Variants in MFN2 observed in about 807,000 individuals in gnomAD.
The protein encoded by MFN2 is mitofusin-2.
Under a neutral mutation model 87.5 loss-of-function variants are expected in MFN2, and 43 were observed. The observed-to-expected ratio is 0.49, with a 90% CI of 0.38 to 0.63. The LOEUF (loss-of-function observed/expected upper bound fraction) is 0.63, where lower values mean the gene tolerates loss of function less well. MFN2 is among the 30% of genes least tolerant of loss of function. The pLI, the probability that MFN2 is intolerant of heterozygous loss-of-function variation, is 0.00. For missense variants in MFN2, 743 were observed against 972.8 expected (o/e 0.76, Z 3.14); for synonymous variants, 337 against 359.9 (o/e 0.94, Z 0.72).
In MFN2 at chr1:12,011,770, AC is replaced by A. The variant is rs2100875577; in HGVS notation, c.*210del. On this transcript the variant is annotated 3_prime_UTR_variant, in exon 19 of 19. Coordinates refer to ENST00000235329, the MANE Select transcript of MFN2 (RefSeq NM_014874.4). ...GCTGTTGCTGGAAGAGCTGGCTCATACCCCCAAAGGACACTTTCAGCGACAG... is the reference window on the plus strand; with the variant it reads ...GCTGTTGCTGGAAGAGCTGGCTCATACCCCAAAGGACACTTTCAGCGACAG... 2 of 623,908 alleles carry A rather than the reference AC, an allele frequency of 3.2e-6. No homozygotes were observed. The highest frequency in any genetic ancestry group is 2.8e-5 in the East Asian group (1 of 36,290). 38.6% of individuals were successfully genotyped at this position (623,908 alleles called of 1,614,324 possible). A position where few individuals can be genotyped will look rare whatever the true frequency, so the allele number is the denominator to read the frequency against.
Position 11,992,559 on chromosome 1 carries a change from G to T in MFN2, c.180G>T (p.Thr60=). 3 of 1,614,134 alleles carry T rather than the reference G, an allele frequency of 1.9e-6. No individual in the cohort carries two copies. The highest frequency in any genetic ancestry group is 3.3e-5 in the Admixed American group (2 of 60,012). Residue 60 remains threonine, a synonymous_variant, in exon 4 of 19, where the codon ACG becomes ACT. Coordinates refer to ENST00000235329, the MANE Select transcript of MFN2 (RefSeq NM_014874.4). ...ATTTTCAATCCCCACCTCCAGACAC[G>T]TACAGGAATGCAGAACTGGACCCCG... ...IQESATFLED[T]YRNAELDPVT...
intron 17 of MFN2, 41 bp from the exon 18 acceptor site, chr1:12,009,551 C>T: frequency 1.2e-6 from 2 of 1,614,004 alleles, no homozygotes; most frequent in Non-Finnish European, 1.7e-6. Flanking sequence ...TGGCATCTTG[C>T]TCCACACACC....
At position 11,992,201 on chromosome 1, in the gene MFN2, A is replaced by C. The variant is rs532644531; in HGVS notation, c.176-354A>C. The C allele has an allele frequency of 4.4e-5, 13 of 295,302 alleles. No homozygotes were observed. The East Asian group carries it at 9.9e-4, about 22-fold the overall frequency. 18.3% of individuals were successfully genotyped at this position (295,302 alleles called of 1,614,324 possible). On this transcript the variant is annotated intron_variant, in intron 3 of 18. Transcript: ENST00000235329. The stretch of plus-strand genomic sequence containing the variant: ...TCTTCTACCAGCCGCCATTCACAGC[A>C]TTTGTGTTTCAATTCGTTTGATCCT...
intron 17 of MFN2, 151 bp downstream of exon 17, chr1:12,007,400 G>T: frequency 9.8e-7 from 1 of 1,018,774 alleles, no homozygotes. Context: ...GGCCAGCTTT[G>T]AGGCCAGTCA....
chr1:12,001,827 G>A lies in MFN2; in HGVS notation c.1029G>A (p.Arg343=). Residue 343 remains arginine (R), a synonymous_variant, in exon 10 of 19, where the codon AGG becomes AGA. Coordinates refer to ENST00000235329, the MANE Select transcript of MFN2 (RefSeq NM_014874.4). ...TGTTTGAGTTTCAGAATTTTGAGAG[G>A]AGATTTGAGGTGAGTCCTCTGATTC... ...VRMFEFQNFE[R]RFEECISQSA... The A allele has an allele frequency of 6.2e-7, 1 of 1,614,176 alleles. No homozygotes were observed. Among genetic ancestry groups the A allele is most frequent in the Non-Finnish European group, 8.5e-7 (1 of 1,180,034 alleles).
chr1:11,993,501 C>T (rs531163368), intron 4 of MFN2, among the ~76,000 whole-genome samples: 11 of 152,086 alleles, frequency 7.2e-5, no homozygotes, highest in South Asian at 4.1e-4. Flanking sequence ...TTTGGGAGGC[C>T]GAGGCAGGTG....
At chr1:11,999,441 G>A (rs78343636) in intron 8 of MFN2, among the ~76,000 whole-genome samples, 7,132 of 152,286 alleles carry the variant, frequency 0.047, 237 homozygotes, top group East Asian at 0.13. Context: ...AAAGAGGAAT[G>A]GAGAATAACT....
At chr1:11,989,503 G>A (rs1041287666) in intron 3 of MFN2, among the ~76,000 whole-genome samples, 160 bp downstream of exon 3, 3 of 152,120 alleles carry the variant, frequency 2.0e-5, no homozygotes, top group Admixed American at 1.3e-4. Context: ...TGGAGTCTGG[G>A]GAGATGAGGC....
rs1180231528 is a variant in MFN2, at chr1:11,985,482, T to TTTA, written c.-5+3368_-5+3369insTTA. On this transcript the variant is annotated intron_variant, in intron 2 of 18. Transcript: ENST00000235329. ...TTTTTTTTTTTTTTTTTTTTTTTTT[T>TTTA]AAAGAGAGAGACTTCGCTCTGTCAC... 5.5e-3 allele frequency among the ~76,000 whole-genome samples: 666 copies of TTTA among 121,004 alleles called. 55 individuals carry two copies. Among genetic ancestry groups the TTTA allele is most frequent in the African/African-American group, 0.02 (617 of 30,512 alleles). 79.4% of individuals were successfully genotyped at this position (121,004 alleles called of 152,430 possible).
chr1:12,001,537 A>G lies in MFN2; in HGVS notation c.953A>G (p.Gln318Arg). The G allele has an allele frequency of 1.2e-6, 2 of 1,614,224 alleles. No individual in the cohort carries two copies. The highest frequency in any genetic ancestry group is 1.1e-5 in the South Asian group (1 of 91,086). The part of the protein sequence containing the change: ...EVLNARIQKA[Q>R]GMPEGGGALA... ...CTCAACGCCAGGATTCAGAAAGCCC[A>G]GGGCATGCCTGAAGGAGGTAATGAT... Residue 318 changes from glutamine to arginine, a missense_variant, in exon 9 of 19, where the codon CAG becomes CGG. This residue lies in a region of MFN2 where 571 missense variants were observed against 670.7 expected (regional missense o/e 0.85). Transcript: ENST00000235329.
chr1:11,989,139 T>C lies in MFN2; in HGVS notation c.-4-26T>C, dbSNP rs1189897351. The C allele has an allele frequency of 1.9e-6, 3 of 1,613,030 alleles. No homozygotes were observed. In the African/African-American group the frequency reaches 4.0e-5, roughly 22 times the overall value. On this transcript the variant is annotated intron_variant, in intron 2 of 18. Transcript: ENST00000235329. The stretch of plus-strand genomic sequence containing the variant: ...ATGTCCCGAGGTAGGTGTTGCTGGG[T>C]TCGCTCACGTTAGCTTCTCTTGCAG...
chr1:12,004,274 G>A lies in MFN2; in HGVS notation c.1287+156G>A, dbSNP rs1051553938. On this transcript the variant is annotated intron_variant, in intron 12 of 18. Coordinates refer to ENST00000235329, the MANE Select transcript of MFN2 (RefSeq NM_014874.4). This position sits in a 1 kb window ranked among gnomAD's most constrained non-coding sequence, Gnocchi z 4.2. Reference sequence around the variant, plus strand: ...GAGCTGCCGTTTGGGTTCCATTGTCGGGTTGTGTGATGCTGGGCATGTTCC... The same window carrying A: ...GAGCTGCCGTTTGGGTTCCATTGTCAGGTTGTGTGATGCTGGGCATGTTCC... Among the ~76,000 whole-genome samples the A allele has an allele frequency of 5.3e-5, 8 of 152,146 alleles. No homozygotes were observed. The highest frequency in any genetic ancestry group is 2.0e-4 in the Admixed American group (3 of 15,276).
chr1:11,993,733 CA>C (rs34578450), intron 4 of MFN2, among the ~76,000 whole-genome samples: 81,055 of 123,392 alleles, frequency 0.66, 24,570 homozygotes, highest in African/African-American at 0.69. Context: ...GACTCCATCT[CA>C]AAAAAAAAAA....
At chr1:11,990,166 TC>T (rs1364558457) in intron 3 of MFN2, among the ~76,000 whole-genome samples, 1 of 152,200 alleles carries the variant, frequency 6.6e-6, no homozygotes, top group African/African-American at 2.4e-5. Context: ...CCACCTTCTT[TC>T]CATTCTGCTT....
intron 9 of MFN2, 21 bp downstream of exon 9, chr1:12,001,575 C>T (rs1639175168): frequency 1.9e-6 from 3 of 1,614,072 alleles, no homozygotes; most frequent in East Asian, 2.2e-5. Context: ...GAACAGATGT[C>T]CTCCTTTTCT....
At chr1:11,997,028 G>A (rs1638938142) in intron 5 of MFN2, among the ~76,000 whole-genome samples, 1 of 125,120 alleles carries the variant, frequency 8.0e-6, no homozygotes, top group Admixed American at 9.0e-5. Flanking sequence ...GACAGAGCGA[G>A]ACTCCGTCTC....
chr1:11,990,486 G>GC (rs1445356819), intron 3 of MFN2, among the ~76,000 whole-genome samples: 3 of 152,216 alleles, frequency 2.0e-5, no homozygotes, highest in Non-Finnish European at 4.4e-5. Flanking sequence ...CCCTCTGGGA[G>GC]CCCAGACTAA....
rs78610599 is a variant in MFN2, at chr1:11,985,074, G to A, written c.-5+2960G>A. Among the ~76,000 whole-genome samples the A allele has an allele frequency of 1.6e-3, 247 of 152,182 alleles. 6 individuals carry two copies. The East Asian group carries it at 0.036, about 22-fold the overall frequency. On this transcript the variant is annotated intron_variant, in intron 2 of 18. Coordinates refer to ENST00000235329, the MANE Select transcript of MFN2 (RefSeq NM_014874.4). ...GTTTGAGGGGTGGTGGTGGAGAGGC[G>A]GGGCAGTCCTGGGGACTGAGCCCTC...
chr1:11,997,932 G>A (rs1638985751), intron 6 of MFN2, among the ~76,000 whole-genome samples: 1 of 139,084 alleles, frequency 7.2e-6, no homozygotes. Context: ...CACCCAGGCT[G>A]GAGTGCAGTG....
Sources: gnomAD v4.1 joint callset for allele counts (sites outside exome capture counted in the v4.1 genomes callset) on GRCh38, gnomAD v4.1.1 for gene constraint, gnomAD v4.1.1 regional missense constraint, Gnocchi (gnomAD v3.1) non-coding constraint, MANE v1.5 for transcripts, NCBI Gene and HGNC (gene_info 2026-07-23, HGNC 2026-07-21) for gene names.